The following CSMD3 variants were observed in gnomAD, a reference collection of about 807,000 sequenced individuals.
CSMD3 encodes the protein CUB and sushi domain-containing protein 3.
In CSMD3, 177 loss-of-function variants were observed where a neutral mutation model predicts 435.2. That is an observed-to-expected ratio of 0.41 (90% CI 0.36 to 0.46). The LOEUF is 0.46. Among genes scored for constraint, CSMD3 ranks in the 20% least tolerant of loss-of-function variants. The probability of loss-of-function intolerance (pLI) is 0.34; values close to 1 mark genes in which losing one functional copy is unlikely to be tolerated. For synonymous variants in CSMD3, 1,656 were observed against 1,520.5 expected (o/e 1.09, Z -2.07); for missense variants, 4,265 against 4,504.6 (o/e 0.95, Z 1.52).
intron 22 of CSMD3, among the ~76,000 whole-genome samples, chr8:112,591,939 C>T (rs187426057): frequency 1.3e-5 from 2 of 151,776 alleles, no homozygotes; most frequent in African/African-American, 2.4e-5. Flanking sequence ...TTATGTGTCC[C>T]TAAAAAAGCA....
chr8:112,722,092 A>G (rs1011504341), intron 13 of CSMD3, among the ~76,000 whole-genome samples: 4 of 152,002 alleles, frequency 2.6e-5, no homozygotes, highest in African/African-American at 9.7e-5. Flanking sequence ...GTAGGGAATT[A>G]TATTAAATAG....
At chr8:112,288,052 A>AGAGAGAG (rs1819387398) in intron 57 of CSMD3, among the ~76,000 whole-genome samples, 1 of 113,770 alleles carries the variant, frequency 8.8e-6, no homozygotes, top group African/African-American at 3.0e-5. Flanking sequence ...GAGAGAGAGA[A>AGAGAGAG]GGGTTGAAAA....
chr8:113,307,492 C>A (rs4596683), intron 2 of CSMD3, among the ~76,000 whole-genome samples: 142,177 of 152,190 alleles, frequency 0.93, 66,524 homozygotes, highest in East Asian at 1. Context: ...ATTGTACTAC[C>A]AGAAAGCACT....
intron 53 of CSMD3, among the ~76,000 whole-genome samples, chr8:112,298,877 G>A (rs2130737831): frequency 6.6e-6 from 1 of 152,218 alleles, no homozygotes; most frequent in East Asian, 1.9e-4. Flanking sequence ...GTATTCAAGA[G>A]AAATGAATGC....
intron 5 of CSMD3, among the ~76,000 whole-genome samples, chr8:113,027,243 T>C (rs1347090918): frequency 6.6e-6 from 1 of 152,142 alleles, no homozygotes; most frequent in Non-Finnish European, 1.5e-5. Flanking sequence ...TGCAATGAAA[T>C]TTATTCTAAG....
At chr8:112,797,334 G>T (rs2078853375) in intron 13 of CSMD3, among the ~76,000 whole-genome samples, 1 of 151,776 alleles carries the variant, frequency 6.6e-6, no homozygotes, top group Non-Finnish European at 1.5e-5. Context: ...GAGAAGCCCA[G>T]CTTTTAATCT....
At position 112,341,481 on chromosome 8, in the gene CSMD3, G is replaced by A. The variant is rs1264427816; in HGVS notation, c.6648C>T (p.Tyr2216=). 6.3e-7 allele frequency: 1 copy of A among 1,586,548 alleles called. No individual in the cohort carries two copies. The highest frequency in any genetic ancestry group is 8.7e-7 in the Non-Finnish European group (1 of 1,155,494). ...ATTTTTTATTATTTCTCTTACCTTG[G>A]TATACAATATGAAACCCTTGTTTGT... The part of the protein sequence containing the change: ...SQNKQGFHIV[Y]QAYQLQSCPD... Residue 2216 remains tyrosine (Y), a synonymous_variant, in exon 42 of 71, where the codon TAC becomes TAT. Transcript: ENST00000297405.
At chr8:112,793,035 C>T (rs765498650) in intron 13 of CSMD3, among the ~76,000 whole-genome samples, 2 of 150,956 alleles carry the variant, frequency 1.3e-5, no homozygotes, top group Non-Finnish European at 3.0e-5. Context: ...TTCTGAAACA[C>T]GTTAATTTTT....
chr8:112,525,150 C>A (rs183318878), intron 27 of CSMD3, among the ~76,000 whole-genome samples: 1 of 151,668 alleles, frequency 6.6e-6, no homozygotes, highest in African/African-American at 2.4e-5. Context: ...TTTTTATTTT[C>A]ATTAAGCAGT....
At chr8:112,588,464 GAA>G (rs144212321) in intron 22 of CSMD3, among the ~76,000 whole-genome samples, 3 of 144,374 alleles carry the variant, frequency 2.1e-5, no homozygotes, top group Admixed American at 1.4e-4. Flanking sequence ...TCCTTTTAAA[GAA>G]AAAAAAAAAT....
At chr8:113,411,891 T>G (rs2094561467) in intron 1 of CSMD3, among the ~76,000 whole-genome samples, 1 of 152,146 alleles carries the variant, frequency 6.6e-6, no homozygotes, top group Non-Finnish European at 1.5e-5. Flanking sequence ...TGCAAAATTT[T>G]CTTATCTTCA....
At chr8:112,279,434 T>C (rs1014492746) in intron 59 of CSMD3, among the ~76,000 whole-genome samples, 3 of 152,174 alleles carry the variant, frequency 2.0e-5, no homozygotes, top group Admixed American at 6.5e-5. Flanking sequence ...CATTGACCTA[T>C]AGCACCTGAT....
chr8:112,656,384 A>C (rs2075258002), intron 17 of CSMD3, 43 bp from the exon 18 acceptor site: 1 of 1,437,396 alleles, frequency 7.0e-7, no homozygotes. Flanking sequence ...TAGAATTAAC[A>C]CTATATATGG....
chr8:112,829,157 C>G (rs1012584930), intron 12 of CSMD3, among the ~76,000 whole-genome samples: 2 of 152,050 alleles, frequency 1.3e-5, no homozygotes, highest in African/African-American at 4.8e-5. Flanking sequence ...ACATTTATAT[C>G]AGTTGTTCTC....
At chr8:112,877,855 G>T (rs1315992814) in intron 10 of CSMD3, among the ~76,000 whole-genome samples, 1 of 152,054 alleles carries the variant, frequency 6.6e-6, no homozygotes, top group Non-Finnish European at 1.5e-5. Flanking sequence ...TGGGGAAACT[G>T]GCTAGCCATA....
At chr8:112,272,127 T>C (rs538493292) in intron 59 of CSMD3, among the ~76,000 whole-genome samples, 18 of 152,192 alleles carry the variant, frequency 1.2e-4, no homozygotes, top group Non-Finnish European at 2.4e-4. Flanking sequence ...CAGGATCTGC[T>C]AGCACCTTGA....
intron 1 of CSMD3, among the ~76,000 whole-genome samples, chr8:113,425,120 A>G (rs2094628903): frequency 6.6e-6 from 1 of 151,500 alleles, no homozygotes; most frequent in Non-Finnish European, 1.5e-5. Flanking sequence ...TGTCTCAAAG[A>G]GTTCTAGAAC....
intron 16 of CSMD3, among the ~76,000 whole-genome samples, chr8:112,679,677 A>C (rs2075844453): frequency 6.6e-6 from 1 of 152,194 alleles, no homozygotes; most frequent in Non-Finnish European, 1.5e-5. Context: ...GATTGACATT[A>C]CTAATTACTT....
At chr8:113,095,678 C>T (rs2090143024) in intron 5 of CSMD3, among the ~76,000 whole-genome samples, 1 of 151,930 alleles carries the variant, frequency 6.6e-6, no homozygotes, top group African/African-American at 2.4e-5. Flanking sequence ...AAAAAAAATC[C>T]ATACAACAAT....
Sources: allele counts gnomAD v4.1 joint callset (sites outside exome capture counted in the v4.1 genomes callset), GRCh38; gene constraint gnomAD v4.1.1; transcripts MANE v1.5; gene names NCBI Gene and HGNC (gene_info 2026-07-23, HGNC 2026-07-21).